The following PCYT1A variants were observed in gnomAD, a reference collection of about 807,000 sequenced individuals.
PCYT1A encodes phosphate cytidylyltransferase 1A, choline, also known as choline-phosphate cytidylyltransferase A.
Under a neutral mutation model 43.7 loss-of-function variants are expected in PCYT1A, and 25 were observed. The observed-to-expected ratio is 0.57, with a 90% CI of 0.42 to 0.80. PCYT1A has a LOEUF of 0.80. Among genes scored for constraint, PCYT1A ranks in the 30% least tolerant of loss-of-function variants. The pLI is 0.00. For synonymous variants in PCYT1A, 172 were observed against 170.7 expected (o/e 1.01, Z -0.06); for missense variants, 421 against 474.2 (o/e 0.89, Z 1.04).
intron 2 of PCYT1A, among the ~76,000 whole-genome samples, chr3:196,259,372 G>T (rs1725040509): frequency 6.6e-6 from 1 of 151,936 alleles, no homozygotes. Context: ...GCATGAAATT[G>T]CTCCCTTATA....
intron 7 of PCYT1A, 116 bp from the exon 8 acceptor site, chr3:196,239,851 T>C: frequency 1.4e-6 from 1 of 706,858 alleles, no homozygotes; most frequent in Non-Finnish European, 2.5e-6. Context: ...GTCTAGAATT[T>C]TGCTTTGCTT....
At chr3:196,243,788 G>A (rs1479527973) in intron 5 of PCYT1A, among the ~76,000 whole-genome samples, 3 of 152,240 alleles carry the variant, frequency 2.0e-5, no homozygotes, top group Non-Finnish European at 4.4e-5. Context: ...CGCCAGCCTC[G>A]GCCTCCCGAG....
intron 1 of PCYT1A, among the ~76,000 whole-genome samples, chr3:196,279,053 C>T (rs1725675176): frequency 6.6e-6 from 1 of 150,770 alleles, no homozygotes; most frequent in Non-Finnish European, 1.5e-5. Flanking sequence ...TTTGAGAGGC[C>T]AAGGCGGGAG....
At position 196,252,914 on chromosome 3, in the gene PCYT1A, A is replaced by G. The variant is rs1254599580; in HGVS notation, c.218-4591T>C. Among the ~76,000 whole-genome samples, 2 of 152,202 alleles carry G rather than the reference A, an allele frequency of 1.3e-5. No homozygotes were observed. The highest frequency in any genetic ancestry group is 2.9e-5 in the Non-Finnish European group (2 of 68,042). On this transcript the variant is annotated intron_variant, in intron 3 of 8. Coordinates refer to ENST00000431016, the MANE Select transcript of PCYT1A (RefSeq NM_001312673.2). This position sits in a 1 kb window ranked among gnomAD's most constrained non-coding sequence, Gnocchi z 4.0. ...TGTGTCAACTAAAAAAAAAGAAGAAAAAAATATTTTTAAAAAGATAATTTT... is the reference window on the plus strand; with the variant it reads ...TGTGTCAACTAAAAAAAAAGAAGAAGAAAATATTTTTAAAAAGATAATTTT...
intron 2 of PCYT1A, among the ~76,000 whole-genome samples, chr3:196,262,426 G>A (rs368316767): frequency 1.7e-4 from 26 of 152,168 alleles, no homozygotes; most frequent in Non-Finnish European, 2.8e-4. Context: ...CGAATTTGTC[G>A]TTAGCTCATT....
chr3:196,239,407 G>A (rs1233376243), intron 8 of PCYT1A, 140 bp downstream of exon 8: 4 of 547,442 alleles, frequency 7.3e-6, no homozygotes, highest in Admixed American at 6.5e-5. Flanking sequence ...CCTTGCTGGG[G>A]ACAGTTGAAA....
intron 5 of PCYT1A, among the ~76,000 whole-genome samples, chr3:196,244,225 G>A (rs1238729790): frequency 1.3e-4 from 13 of 99,888 alleles, no homozygotes; most frequent in East Asian, 6.6e-4. Context: ...GCCCGGCCAC[G>A]ACCCCGTCTG....
rs181253145 is a variant in PCYT1A at position 196,247,674 on chromosome 3, C to T, written c.335-156G>A. On this transcript the variant is annotated intron_variant, in intron 4 of 8. Coordinates refer to ENST00000431016, the MANE Select transcript of PCYT1A (RefSeq NM_001312673.2). This position sits in a 1 kb window ranked among gnomAD's most constrained non-coding sequence, Gnocchi z 4.8. The stretch of plus-strand genomic sequence containing the variant: ...AAAGGTGGTTGAACCTGGGTGATAA[C>T]GCTTTTCCTAATGCAGCGTATACCT... 3.0e-5 allele frequency: 22 copies of T among 730,644 alleles called. No homozygotes were observed. Among genetic ancestry groups the T allele is most frequent in the Non-Finnish European group, 4.4e-5 (18 of 407,496 alleles). The allele number at this position is 730,644 out of a possible 1,614,324, so 45.3% of individuals were successfully genotyped here.
At position 196,242,322 on chromosome 3, in the gene PCYT1A, T is replaced by C; in HGVS notation, c.566-232A>G. On this transcript the variant is annotated intron_variant, in intron 6 of 8. Coordinates refer to ENST00000431016, the MANE Select transcript of PCYT1A (RefSeq NM_001312673.2). The surrounding 1 kb of genome is among the most constrained non-coding windows in gnomAD (Gnocchi z 4.2). Reference sequence around the variant, plus strand: ...ATATTAAGAAAAATATGAGAAAGGGTTTCCTGAAATTAAGAGAGATATCCA... The same window carrying C: ...ATATTAAGAAAAATATGAGAAAGGGCTTCCTGAAATTAAGAGAGATATCCA... 1 of 649,096 alleles carries C rather than the reference T, an allele frequency of 1.5e-6. No individual in the cohort carries two copies. Among genetic ancestry groups the C allele is most frequent in the Non-Finnish European group, 2.8e-6 (1 of 362,532 alleles). 40.2% of individuals were successfully genotyped at this position (649,096 alleles called of 1,614,324 possible).
intron 1 of PCYT1A, among the ~76,000 whole-genome samples, chr3:196,276,204 A>G (rs1276873453): frequency 1.3e-5 from 2 of 152,228 alleles, no homozygotes; most frequent in Non-Finnish European, 2.9e-5. Flanking sequence ...TAAGTATATA[A>G]GGCAAGGAAT....
At position 196,238,607 on chromosome 3, in the gene PCYT1A, G is replaced by A; in HGVS notation, c.*81C>T. The A allele has an allele frequency of 4.2e-6, 4 of 954,666 alleles. No individual in the cohort carries two copies. The highest frequency in any genetic ancestry group is 3.8e-5 in the South Asian group (2 of 52,096). 59.1% of individuals were successfully genotyped at this position (954,666 alleles called of 1,614,324 possible). A position where few individuals can be genotyped will look rare whatever the true frequency, so the allele number is the denominator to read the frequency against. ...TGTAGCTGTCCTTAGGTTTAGTGTT[G>A]GGGTCACAATTTGGAATTCAACAGA... On this transcript the variant is annotated 3_prime_UTR_variant, in exon 9 of 9. Coordinates refer to ENST00000431016, the MANE Select transcript of PCYT1A (RefSeq NM_001312673.2).
rs1228398594 is a variant in PCYT1A at position 196,268,138 on chromosome 3, G to T, written c.117+2277C>A. Among the ~76,000 whole-genome samples, 1 of 151,450 alleles carries T rather than the reference G, an allele frequency of 6.6e-6. No individual in the cohort carries two copies. The highest frequency in any genetic ancestry group is 1.5e-5 in the Non-Finnish European group (1 of 67,902). On this transcript the variant is annotated intron_variant, in intron 2 of 8. Coordinates refer to ENST00000431016, the MANE Select transcript of PCYT1A (RefSeq NM_001312673.2). The surrounding 1 kb of genome is among the most constrained non-coding windows in gnomAD (Gnocchi z 4.4). ...CCCAGAAGAATTTAAAAAAAAAAAA[G>T]ATTCCCAGAGTCTAAAGACCAAGAA...
At chr3:196,257,959 A>G in intron 2 of PCYT1A, 72 bp from the exon 3 acceptor site, 4 of 829,644 alleles carry the variant, frequency 4.8e-6, no homozygotes, top group Non-Finnish European at 7.8e-6. Context: ...AAAAAAAAAA[A>G]GATGAGAGAA....
At chr3:196,258,362 T>C (rs538702283) in intron 2 of PCYT1A, among the ~76,000 whole-genome samples, 13 of 152,162 alleles carry the variant, frequency 8.5e-5, no homozygotes, top group Admixed American at 1.3e-4. Flanking sequence ...GGAATTGTTT[T>C]CTGAATTTTA....
chr3:196,246,969 G>C (rs542978184), intron 5 of PCYT1A, among the ~76,000 whole-genome samples: 11 of 151,872 alleles, frequency 7.2e-5, no homozygotes, highest in Non-Finnish European at 1.3e-4. Flanking sequence ...CCCTGCCAGT[G>C]GTGTAACTTG....
chr3:196,284,373 A>T (rs1453132753), intron 1 of PCYT1A, among the ~76,000 whole-genome samples: 1 of 152,196 alleles, frequency 6.6e-6, no homozygotes, highest in Non-Finnish European at 1.5e-5. Context: ...ATGGAGTCAG[A>T]TGGTTTACAA....
intron 2 of PCYT1A, among the ~76,000 whole-genome samples, chr3:196,266,794 A>G (rs1323171307): frequency 1.3e-5 from 2 of 151,942 alleles, no homozygotes; most frequent in East Asian, 1.9e-4. Flanking sequence ...TCAGGAGGCT[A>G]AGGCAGGAGA....
Position 196,273,666 on chromosome 3 carries a change from T to C in PCYT1A, c.-10-3125A>G, listed in dbSNP as rs1296441067. 6.6e-6 allele frequency among the ~76,000 whole-genome samples: 1 copy of C among 152,148 alleles called. No homozygotes were observed. Among genetic ancestry groups the C allele is most frequent in the Non-Finnish European group, 1.5e-5 (1 of 68,022 alleles). ...GGAGACCTGGAGTGGGAAGCTCCTA[T>C]CCGCAGGCAGGTCATCCCATCAAGT... On this transcript the variant is annotated intron_variant, in intron 1 of 8. Coordinates refer to ENST00000431016, the MANE Select transcript of PCYT1A (RefSeq NM_001312673.2). This position sits in a 1 kb window ranked among gnomAD's most constrained non-coding sequence, Gnocchi z 4.1.
At chr3:196,263,424 C>T (rs1475433446) in intron 2 of PCYT1A, among the ~76,000 whole-genome samples, 1 of 152,086 alleles carries the variant, frequency 6.6e-6, no homozygotes, top group East Asian at 1.9e-4. Context: ...CTCTATAATG[C>T]ATTGCCCAGG....
Sources: allele counts gnomAD v4.1 joint callset (sites outside exome capture counted in the v4.1 genomes callset), GRCh38; gene constraint gnomAD v4.1.1; non-coding constraint Gnocchi (gnomAD v3.1); transcripts MANE v1.5; gene names NCBI Gene and HGNC (gene_info 2026-07-23, HGNC 2026-07-21).